MUC17: variants seen among roughly 807,000 people sequenced by gnomAD.
The protein encoded by MUC17 is mucin 17, cell surface associated, also known as mucin-17.
MUC17 carries 190 observed loss-of-function variants against 170.3 expected under a neutral mutation model. The ratio of observed to expected loss-of-function variants is 1.12; its 90% CI spans 0.99 to 1.26. The LOEUF is 1.26. MUC17 is among the 50% of genes most tolerant of loss of function. The probability of loss-of-function intolerance (pLI) is 0.00; values close to 1 mark genes in which losing one functional copy is unlikely to be tolerated. For missense variants in MUC17, 6,415 were observed against 5,530.0 expected, an observed-to-expected ratio of 1.16 and a Z score of -5.08; for synonymous variants, 2,325 against 2,002.5, an observed-to-expected ratio of 1.16 and a Z score of -4.30.
In MUC17 at chr7:101,038,187, C is replaced by T. The variant is rs1794553167; in HGVS notation, c.6771C>T (p.Ala2257=). Residue 2257 remains alanine (A), a synonymous_variant, in exon 3 of 13, where the codon GCC becomes GCT. Transcript: ENST00000306151. ...CACCTGTGACCACTTCTACTGAAGC[C>T]ACTTCATCTCCTACAACTGCTGAAG... ...TSTPVTTSTE[A]TSSPTTAEGT... The T allele has an allele frequency of 1.2e-6, 2 of 1,613,974 alleles. No individual in the cohort carries two copies. Among genetic ancestry groups the T allele is most frequent in the Middle Eastern group, 1.7e-4 (1 of 6,060 alleles).
rs770465358 is a variant in MUC17 at position 101,040,757 on chromosome 7, C to A, written c.9341C>A (p.Thr3114Asn). ...CCATTAACAGGTGTGCCTGTCAGCA[C>A]CACACCGGTGACCAGTTCTGCAATC... The part of the protein sequence containing the change: ...STPLTGVPVS[T>N]TPVTSSAIST... The change falls in exon 3 of 13, where the codon ACC becomes AAC. Residue 3114 changes from threonine (T) to asparagine (N), a missense_variant. Coordinates refer to ENST00000306151, the MANE Select transcript of MUC17 (RefSeq NM_001040105.2). 1.2e-6 allele frequency: 2 copies of A among 1,613,376 alleles called. No individual in the cohort carries two copies. Among genetic ancestry groups the A allele is most frequent in the African/African-American group, 1.3e-5 (1 of 74,914 alleles).
intron 1 of MUC17, among the ~76,000 whole-genome samples, chr7:101,024,784 C>G (rs951660986): frequency 7.0e-5 from 10 of 142,976 alleles, no homozygotes; most frequent in African/African-American, 2.7e-4. Context: ...GCCCTGTCGC[C>G]CAGGCTGGAG....
In MUC17 at chr7:101,030,664, G is replaced by T. The variant is rs142517569; in HGVS notation, c.83-456G>T. On this transcript the variant is annotated intron_variant, in intron 1 of 12. Coordinates refer to ENST00000306151, the MANE Select transcript of MUC17 (RefSeq NM_001040105.2). ...GCTCATTATGAACATGATCTCCTGG[G>T]CTCAAGTGATCCTCCTGCCTCAGCC... Among the ~76,000 whole-genome samples, 501 of 152,154 alleles carry T rather than the reference G, an allele frequency of 3.3e-3. 12 individuals carry two copies. In the East Asian group the frequency reaches 0.057, roughly 17 times the overall value.
intron 6 of MUC17, 47 bp from the exon 7 acceptor site, chr7:101,050,437 G>A: frequency 1.3e-6 from 2 of 1,589,684 alleles, no homozygotes; most frequent in Non-Finnish European, 1.7e-6. Context: ...GATTCTAGAG[G>A]TAAGCACCCT....
chr7:101,051,771 C>A, intron 8 of MUC17, 32 bp from the exon 9 acceptor site: 2 of 1,608,912 alleles, frequency 1.2e-6, no homozygotes, highest in Non-Finnish European at 8.5e-7. Context: ...CCTCTGATCA[C>A]GGCTGTTCCC....
At position 101,056,434 on chromosome 7, in the gene MUC17, G is replaced by A. The variant is rs992424033; in HGVS notation, c.13440+164G>A. The stretch of plus-strand genomic sequence containing the variant: ...CTGCCAGGAAACAAGCCTAACTCAG[G>A]GGAAGAATAAAAGCTAAGTAGCAAG... On this transcript the variant is annotated intron_variant, in intron 12 of 12. Coordinates refer to ENST00000306151, the MANE Select transcript of MUC17 (RefSeq NM_001040105.2). 5.9e-5 allele frequency among the ~76,000 whole-genome samples: 9 copies of A among 152,234 alleles called. No individual in the cohort carries two copies. The South Asian group carries it at 1.2e-3, about 21-fold the overall frequency.
chr7:101,037,793 C>A lies in MUC17; in HGVS notation c.6377C>A (p.Pro2126His). ...GAGGCTAGCACCCTTTCAACAACTCCTGTTGACTCCAACAGTCCTGTGATC... is the reference window on the plus strand; with the variant it reads ...GAGGCTAGCACCCTTTCAACAACTCATGTTGACTCCAACAGTCCTGTGATC... The part of the protein sequence containing the change: ...SPEASTLSTT[P>H]VDSNSPVITS... Residue 2126 changes from proline (P) to histidine (H), a missense_variant, in exon 3 of 13, where the codon CCT (proline) becomes CAT (histidine). Coordinates refer to ENST00000306151, the MANE Select transcript of MUC17 (RefSeq NM_001040105.2). The A allele has an allele frequency of 6.2e-7, 1 of 1,613,122 alleles. No individual in the cohort carries two copies. Among genetic ancestry groups the A allele is most frequent in the Non-Finnish European group, 8.5e-7 (1 of 1,179,374 alleles).
rs139274622 is a variant in MUC17, at chr7:101,033,740, G to A, written c.2324G>A (p.Ser775Asn). 7.6e-4 allele frequency: 1,231 copies of A among 1,613,020 alleles called. 3 individuals are homozygous for A. Among genetic ancestry groups the A allele is most frequent in the Non-Finnish European group, 1.0e-3 (1,191 of 1,179,576 alleles). ...STLSTTPLDT[S>N]THITTSTEAS... Reference sequence around the variant, plus strand: ...CTTTCAACAACTCCTCTTGACACAAGCACACATATCACCACTTCTACTGAA... The same window carrying A: ...CTTTCAACAACTCCTCTTGACACAAACACACATATCACCACTTCTACTGAA... Residue 775 changes from serine to asparagine, a missense_variant, in exon 3 of 13, where the codon AGC becomes AAC. Physicochemically the swap from Ser to Asn is conservative, Grantham distance 46. Transcript: ENST00000306151.
rs958739073 is a variant in MUC17 at position 101,035,890 on chromosome 7, G to A, written c.4474G>A (p.Val1492Ile). The A allele has an allele frequency of 3.7e-6, 6 of 1,610,516 alleles. No homozygotes were observed. In the African/African-American group the frequency reaches 5.3e-5, roughly 14 times the overall value. The change falls in exon 3 of 13, where the codon GTC (valine) becomes ATC (isoleucine). Residue 1492 changes from valine (V) to isoleucine (I), a missense_variant. Physicochemically the swap from Val to Ile is conservative, Grantham distance 29 (BLOSUM62 3). Transcript: ENST00000306151. ...CAGTCCTGTGGTCACTTCTACAGCA[G>A]TCAGTTCATCTCCTACACCTGCTGA... ...SNSPVVTSTA[V>I]SSSPTPAEGT...
chr7:101,029,024 C>G, intron 1 of MUC17, among the ~76,000 whole-genome samples: 1 of 151,780 alleles, frequency 6.6e-6, no homozygotes, highest in East Asian at 1.9e-4. Flanking sequence ...CCCATCTCTA[C>G]TAAAAATACA....
chr7:101,048,250 T>C, intron 4 of MUC17, 135 bp downstream of exon 4: 1 of 846,408 alleles, frequency 1.2e-6, no homozygotes, highest in Non-Finnish European at 1.6e-6. Context: ...TTGTTTTGTT[T>C]TGTTTTGTTT....
In MUC17 at chr7:101,033,503, A is replaced by C. The variant is rs755985561; in HGVS notation, c.2087A>C (p.Asn696Thr). Residue 696 changes from asparagine to threonine, a missense_variant, in exon 3 of 13, where the codon AAC becomes ACC. Physicochemically the swap from Asn to Thr is moderately conservative, Grantham distance 65. Transcript: ENST00000306151. ...GSTPLTSMPV[N>T]TTLVASSEAS... ...ACTCCATTAACAAGTATGCCTGTCA[A>C]CACCACACTGGTGGCCAGTTCTGAG... 6.4e-7 allele frequency: 1 copy of C among 1,573,738 alleles called. No homozygotes were observed. Among genetic ancestry groups the C allele is most frequent in the Non-Finnish European group, 8.6e-7 (1 of 1,162,112 alleles).
Position 101,048,979 on chromosome 7 carries a change from C to T in MUC17, c.12663+7C>T. 1 of 1,614,132 alleles carries T rather than the reference C, an allele frequency of 6.2e-7. No homozygotes were observed. The highest frequency in any genetic ancestry group is 8.5e-7 in the Non-Finnish European group (1 of 1,180,004). ...ACAGACATTCACGGAACAGGTAAGT[C>T]TGGGAGAGCAAGGCCCCATAGCTAC... On this transcript the variant is annotated splice_region_variant and intron_variant, in intron 5 of 12. Coordinates refer to ENST00000306151, the MANE Select transcript of MUC17 (RefSeq NM_001040105.2).
Position 101,020,116 on chromosome 7 carries a change from G to T in MUC17, c.-20G>T. On this transcript the variant is annotated 5_prime_UTR_variant, in exon 1 of 13. Transcript: ENST00000306151. ...GCTCCTCTGGGGGTGACAGGCAAGTGAGACGTGCTCAGAGCTCCGATGCCA... is the reference window on the plus strand; with the variant it reads ...GCTCCTCTGGGGGTGACAGGCAAGTTAGACGTGCTCAGAGCTCCGATGCCA... The T allele has an allele frequency of 1.9e-6, 3 of 1,575,288 alleles. No individual in the cohort carries two copies. Among genetic ancestry groups the T allele is most frequent in the Non-Finnish European group, 2.6e-6 (3 of 1,159,958 alleles).
chr7:101,036,714 T>C lies in MUC17; in HGVS notation c.5298T>C (p.Ala1766=). The C allele has an allele frequency of 6.2e-7, 1 of 1,611,210 alleles. No individual in the cohort carries two copies. The highest frequency in any genetic ancestry group is 8.5e-7 in the Non-Finnish European group (1 of 1,179,142). ...CCACGCCGGTACTCAGTTCTGAGGC[T>C]AGCACCCTTTCAGCAACTCCTATTG... ...VSTTPVLSSE[A]STLSATPIDT... The change falls in exon 3 of 13, where the codon GCT becomes GCC. Residue 1766 remains alanine, a synonymous_variant. Coordinates refer to ENST00000306151, the MANE Select transcript of MUC17 (RefSeq NM_001040105.2).
At chr7:101,020,357 T>C in intron 1 of MUC17, 140 bp downstream of exon 1, 1 of 572,906 alleles carries the variant, frequency 1.7e-6, no homozygotes, top group South Asian at 3.2e-5. Flanking sequence ...GCCCTGTGCC[T>C]ACCCCCTGGA....
chr7:101,035,935 T>A lies in MUC17; in HGVS notation c.4519T>A (p.Ser1507Thr). The A allele has an allele frequency of 1.2e-6, 2 of 1,613,070 alleles. No homozygotes were observed. The highest frequency in any genetic ancestry group is 1.7e-6 in the Non-Finnish European group (2 of 1,179,590). The change falls in exon 3 of 13, where the codon TCA (serine) becomes ACA (threonine). Residue 1507 changes from serine to threonine, a missense_variant. By Grantham distance (58) the Ser-to-Thr change is moderately conservative. Coordinates refer to ENST00000306151, the MANE Select transcript of MUC17 (RefSeq NM_001040105.2). ...TPAEGTSIAI[S>T]TPSEGSTALT... ...TGCTGAAGGTACCAGCATAGCAATC[T>A]CAACGCCTAGTGAAGGAAGCACTGC...
At chr7:101,028,773 A>T (rs1794226536) in intron 1 of MUC17, among the ~76,000 whole-genome samples, 1 of 152,118 alleles carries the variant, frequency 6.6e-6, no homozygotes, top group South Asian at 2.1e-4. Context: ...CTGTAGTGCC[A>T]GCTACTCAGG....
chr7:101,049,193 A>C (rs1794893008), intron 5 of MUC17, 131 bp from the exon 6 acceptor site: 2 of 1,463,442 alleles, frequency 1.4e-6, no homozygotes, highest in Admixed American at 1.7e-5. Flanking sequence ...TCTGGAAAGA[A>C]ACCACTCCAT....
Sources: allele counts gnomAD v4.1 joint callset (sites outside exome capture counted in the v4.1 genomes callset), GRCh38; gene constraint gnomAD v4.1.1; transcripts MANE v1.5; gene names NCBI Gene and HGNC (gene_info 2026-07-23, HGNC 2026-07-21).